SLC10A7: variants seen among roughly 807,000 people sequenced by gnomAD.
SLC10A7 encodes sodium/bile acid cotransporter 7.
SLC10A7 carries 29 observed loss-of-function variants against 43.2 expected under a neutral mutation model. The observed-to-expected ratio is 0.67, with a 90% CI of 0.50 to 0.92. The LOEUF (loss-of-function observed/expected upper bound fraction) is 0.92, where lower values mean the gene tolerates loss of function less well. SLC10A7 is among the 40% of genes least tolerant of loss of function. The pLI, the probability that SLC10A7 is intolerant of heterozygous loss-of-function variation, is 0.00. For missense variants in SLC10A7, 295 were observed against 403.2 expected (o/e 0.73, Z 2.30); for synonymous variants, 152 against 144.8 (o/e 1.05, Z -0.35).
chr4:146,311,298 T>A (rs558672520), intron 6 of SLC10A7, among the ~76,000 whole-genome samples: 1 of 152,282 alleles, frequency 6.6e-6, no homozygotes, highest in Non-Finnish European at 1.5e-5. Flanking sequence ...TAGCAGTTCT[T>A]GATGAAGAGA....
At chr4:146,485,828 T>C (rs1417657314) in intron 4 of SLC10A7, among the ~76,000 whole-genome samples, 2 of 151,972 alleles carry the variant, frequency 1.3e-5, no homozygotes, top group Non-Finnish European at 2.9e-5. Flanking sequence ...GAAGACCTGG[T>C]TGGTGAAGGA....
chr4:146,285,195 G>T lies in SLC10A7; in HGVS notation c.774-1930C>A, dbSNP rs181432243. Among the ~76,000 whole-genome samples, 21 of 152,250 alleles carry T rather than the reference G, an allele frequency of 1.4e-4. No individual in the cohort carries two copies. The East Asian group carries it at 1.9e-3, about 14-fold the overall frequency. Reference sequence around the variant, plus strand: ...ATATGATGGGATAAGGGGAACTGCTGAAGGAGTTGGGACAGTAGAATGACA... The same window carrying T: ...ATATGATGGGATAAGGGGAACTGCTTAAGGAGTTGGGACAGTAGAATGACA... On this transcript the variant is annotated intron_variant, in intron 9 of 11. Transcript: ENST00000335472.
chr4:146,324,900 G>C (rs972591921), intron 6 of SLC10A7, among the ~76,000 whole-genome samples: 7 of 152,134 alleles, frequency 4.6e-5, no homozygotes, highest in Non-Finnish European at 1.0e-4. Flanking sequence ...TGTCAAAATG[G>C]AGCCAGCATT....
chr4:146,358,810 C>T (rs1735840709), intron 5 of SLC10A7, among the ~76,000 whole-genome samples: 2 of 151,992 alleles, frequency 1.3e-5, no homozygotes, highest in Non-Finnish European at 2.9e-5. Context: ...TTGGTTTACA[C>T]ACATAAAAAA....
chr4:146,437,017 C>T (rs1730267764), intron 5 of SLC10A7, among the ~76,000 whole-genome samples: 1 of 152,068 alleles, frequency 6.6e-6, no homozygotes, highest in African/African-American at 2.4e-5. Context: ...GCATTGAAGA[C>T]AGTCCTCCTT....
Position 146,284,127 on chromosome 4 carries a change from C to T in SLC10A7, c.774-862G>A, listed in dbSNP as rs139581440. ...AAAAATGTCATTGTTATGATTGTGCCCTTATATTTTAGAAACTATTCTTTC... is the reference window on the plus strand; with the variant it reads ...AAAAATGTCATTGTTATGATTGTGCTCTTATATTTTAGAAACTATTCTTTC... On this transcript the variant is annotated intron_variant, in intron 9 of 11. Coordinates refer to ENST00000335472, the MANE Select transcript of SLC10A7 (RefSeq NM_001029998.6). Among the ~76,000 whole-genome samples, 238 of 151,966 alleles carry T rather than the reference C, an allele frequency of 1.6e-3. 2 individuals are homozygous for T. The highest frequency in any genetic ancestry group is 3.4e-3 in the Middle Eastern group (1 of 294).
chr4:146,450,476 CAT>C (rs1259421173), intron 4 of SLC10A7, among the ~76,000 whole-genome samples: 1 of 152,098 alleles, frequency 6.6e-6, no homozygotes, highest in Non-Finnish European at 1.5e-5. Flanking sequence ...TTGCATTAAA[CAT>C]ATAGAAATTA....
chr4:146,322,318 C>A (rs762395967), intron 6 of SLC10A7, among the ~76,000 whole-genome samples: 12 of 151,090 alleles, frequency 7.9e-5, no homozygotes, highest in Non-Finnish European at 1.8e-4. Flanking sequence ...TGTGCTACAC[C>A]CATTAACTCA....
chr4:146,381,192 T>A (rs1737593461), intron 5 of SLC10A7, among the ~76,000 whole-genome samples: 1 of 152,142 alleles, frequency 6.6e-6, no homozygotes, highest in South Asian at 2.1e-4. Flanking sequence ...TCTGAGTAAA[T>A]CTGACTCTGG....
In SLC10A7 at chr4:146,506,757, T is replaced by G. The variant is rs184362356; in HGVS notation, c.321-2833A>C. Among the ~76,000 whole-genome samples the G allele has an allele frequency of 1.1e-3, 161 of 152,294 alleles. 2 individuals are homozygous for G. In the South Asian group the frequency reaches 0.015, roughly 14 times the overall value. On this transcript the variant is annotated intron_variant, in intron 3 of 11. Transcript: ENST00000335472. Reference sequence around the variant, plus strand: ...GTGTTTTTGTTTGTTTGTTTGGTTTTTTTTTGTTTTTGTTTTTGTTTTTGC... The same window carrying G: ...GTGTTTTTGTTTGTTTGTTTGGTTTGTTTTTGTTTTTGTTTTTGTTTTTGC...
At chr4:146,290,781 G>A (rs912410479) in intron 9 of SLC10A7, among the ~76,000 whole-genome samples, 1 of 152,056 alleles carries the variant, frequency 6.6e-6, no homozygotes, top group Admixed American at 6.5e-5. Context: ...GATCACCTGA[G>A]CCCATGAGTT....
chr4:146,508,922 G>T (rs934863985), intron 3 of SLC10A7, among the ~76,000 whole-genome samples: 1 of 152,002 alleles, frequency 6.6e-6, no homozygotes, highest in Non-Finnish European at 1.5e-5. Flanking sequence ...CTTTTATACC[G>T]CTAGGACATG....
At chr4:146,482,398 A>G (rs1734554497) in intron 4 of SLC10A7, among the ~76,000 whole-genome samples, 2 of 152,208 alleles carry the variant, frequency 1.3e-5, no homozygotes, top group Admixed American at 6.5e-5. Context: ...GATCTGAATA[A>G]CAAATTCATA....
intron 5 of SLC10A7, among the ~76,000 whole-genome samples, chr4:146,370,152 C>T (rs1306791420): frequency 6.6e-6 from 1 of 152,120 alleles, no homozygotes; most frequent in Middle Eastern, 3.2e-3. Context: ...GTCAAATTAA[C>T]ACAATTTTGC....
chr4:146,392,695 C>T (rs2679131), intron 5 of SLC10A7, among the ~76,000 whole-genome samples: 1,625 of 152,294 alleles, frequency 0.011, 21 homozygotes, highest in African/African-American at 0.036. Flanking sequence ...CCAGACCCCT[C>T]AATGCCTGGT....
chr4:146,492,631 A>G (rs112097536), intron 4 of SLC10A7, among the ~76,000 whole-genome samples: 1 of 152,130 alleles, frequency 6.6e-6, no homozygotes, highest in Non-Finnish European at 1.5e-5. Context: ...CGGCCTCCCA[A>G]AGTGCTGGGA....
intron 6 of SLC10A7, among the ~76,000 whole-genome samples, chr4:146,312,344 G>T (rs1011835020): frequency 6.6e-6 from 1 of 152,170 alleles, no homozygotes; most frequent in East Asian, 1.9e-4. Flanking sequence ...ACAACATGAT[G>T]TTTTGATATA....
At chr4:146,401,541 C>T (rs1739226866) in intron 5 of SLC10A7, among the ~76,000 whole-genome samples, 1 of 152,176 alleles carries the variant, frequency 6.6e-6, no homozygotes, top group African/African-American at 2.4e-5. Flanking sequence ...GAAAGCAACA[C>T]TTATTGCATG....
At chr4:146,431,305 C>T (rs767406991) in intron 5 of SLC10A7, among the ~76,000 whole-genome samples, 27 of 152,084 alleles carry the variant, frequency 1.8e-4, no homozygotes, top group African/African-American at 5.3e-4. Context: ...AACACAGTGG[C>T]GAAAGCAACA....
Sources: gnomAD v4.1 joint callset for allele counts (sites outside exome capture counted in the v4.1 genomes callset) on GRCh38, gnomAD v4.1.1 for gene constraint, MANE v1.5 for transcripts, NCBI Gene and HGNC (gene_info 2026-07-23, HGNC 2026-07-21) for gene names.